Variants in CNTNAP5 observed in about 807,000 individuals in gnomAD.
CNTNAP5 encodes contactin-associated protein-like 5.
In CNTNAP5, 72 loss-of-function variants were observed where a neutral mutation model predicts 150.2. The ratio of observed to expected loss-of-function variants is 0.48; its 90% CI spans 0.40 to 0.58. The LOEUF is 0.58. Among genes scored for constraint, CNTNAP5 ranks in the 20% least tolerant of loss-of-function variants. The pLI is 0.00. For missense variants in CNTNAP5, 1,636 were observed against 1,626.2 expected (o/e 1.01, Z -0.10); for synonymous variants, 672 against 619.8 (o/e 1.08, Z -1.25).
intron 1 of CNTNAP5, among the ~76,000 whole-genome samples, chr2:124,137,916 T>G (rs1459252311): frequency 1.3e-5 from 2 of 152,132 alleles, no homozygotes; most frequent in Non-Finnish European, 2.9e-5. Flanking sequence ...GCCAAGGAGA[T>G]GCCCTGCACA....
chr2:124,408,086 A>C (rs185813311), intron 3 of CNTNAP5, among the ~76,000 whole-genome samples: 146 of 152,358 alleles, frequency 9.6e-4, no homozygotes, highest in African/African-American at 3.2e-3. Flanking sequence ...GCAAGGGGTC[A>C]GGGAGTTCCC....
At chr2:124,177,428 G>A (rs144291751) in intron 1 of CNTNAP5, among the ~76,000 whole-genome samples, 112 of 152,194 alleles carry the variant, frequency 7.4e-4, no homozygotes, top group African/African-American at 2.6e-3. Flanking sequence ...CTATCAGAAA[G>A]TGTGATGAGA....
chr2:124,395,128 T>C (rs541305868), intron 3 of CNTNAP5, among the ~76,000 whole-genome samples: 2 of 152,238 alleles, frequency 1.3e-5, no homozygotes, highest in South Asian at 4.1e-4. Flanking sequence ...TATATATAAA[T>C]ATATGAGATT....
In CNTNAP5 at chr2:124,366,332, G is replaced by A. The variant is rs151072998; in HGVS notation, c.382-51111G>A. Among the ~76,000 whole-genome samples, 461 of 152,266 alleles carry A rather than the reference G, an allele frequency of 3.0e-3. 4 individuals are homozygous for A. The highest frequency in any genetic ancestry group is 0.011 in the African/African-American group (438 of 41,552). ...ACTTTCTTTTTTACTGATATTGATA[G>A]TCTTTCTCTTCTTCCTTCTTGTTTT... On this transcript the variant is annotated intron_variant, in intron 3 of 23. Transcript: ENST00000682447.
chr2:124,519,387 A>C (rs182246941), intron 8 of CNTNAP5, among the ~76,000 whole-genome samples: 35 of 152,354 alleles, frequency 2.3e-4, no homozygotes, highest in Admixed American at 1.2e-3. Context: ...TAAAAATAAA[A>C]GCAAAGTAGA....
chr2:124,815,438 T>C (rs1682340969), intron 19 of CNTNAP5, among the ~76,000 whole-genome samples: 1 of 152,204 alleles, frequency 6.6e-6, no homozygotes. Flanking sequence ...TTTGTCATGC[T>C]GAAGCCAGGC....
chr2:124,301,554 T>C (rs1363196959), intron 3 of CNTNAP5, among the ~76,000 whole-genome samples: 1 of 152,224 alleles, frequency 6.6e-6, no homozygotes, highest in Non-Finnish European at 1.5e-5. Flanking sequence ...TATAGTGCTA[T>C]GTGACACTCA....
intron 23 of CNTNAP5, among the ~76,000 whole-genome samples, chr2:124,911,802 A>G (rs931810286): frequency 1.3e-5 from 2 of 152,154 alleles, no homozygotes; most frequent in Non-Finnish European, 2.9e-5. Context: ...GCATTTACTT[A>G]CAGACAGCAG....
chr2:124,565,048 G>T (rs1209695422), intron 11 of CNTNAP5, among the ~76,000 whole-genome samples: 1 of 152,014 alleles, frequency 6.6e-6, no homozygotes, highest in Non-Finnish European at 1.5e-5. Flanking sequence ...TGGAACCCTG[G>T]GATTCCAGCC....
chr2:124,372,864 A>G (rs1407287174), intron 3 of CNTNAP5, among the ~76,000 whole-genome samples: 4 of 152,160 alleles, frequency 2.6e-5, no homozygotes, highest in Admixed American at 2.6e-4. Flanking sequence ...GTGCAAAGCA[A>G]TGAGAATCTT....
In CNTNAP5 at chr2:124,916,869, G is replaced by A. The variant is rs549469683; in HGVS notation, c.*2581G>A. 7.2e-5 allele frequency among the ~76,000 whole-genome samples: 11 copies of A among 151,868 alleles called. No individual in the cohort carries two copies. The highest frequency in any genetic ancestry group is 1.9e-4 in the East Asian group (1 of 5,144). On this transcript the variant is annotated 3_prime_UTR_variant, in exon 24 of 24. Transcript: ENST00000682447. Reference sequence around the variant, plus strand: ...GGCTAAAGCAGAATTATTTTTACAGGGTTGAATTATTTCATAACCCCAGAG... The same window carrying A: ...GGCTAAAGCAGAATTATTTTTACAGAGTTGAATTATTTCATAACCCCAGAG...
intron 7 of CNTNAP5, among the ~76,000 whole-genome samples, chr2:124,476,210 C>T (rs1330863046): frequency 6.6e-6 from 1 of 151,996 alleles, no homozygotes; most frequent in Non-Finnish European, 1.5e-5. Context: ...ATTTTTAGAA[C>T]CATTTCTATA....
chr2:124,514,686 G>A (rs561329810), intron 8 of CNTNAP5, among the ~76,000 whole-genome samples: 12 of 152,096 alleles, frequency 7.9e-5, no homozygotes, highest in Non-Finnish European at 1.3e-4. Context: ...GGTGAGAAAG[G>A]GAAGACTTTC....
At chr2:124,263,856 C>T (rs997089106) in intron 3 of CNTNAP5, among the ~76,000 whole-genome samples, 2 of 152,062 alleles carry the variant, frequency 1.3e-5, no homozygotes, top group African/African-American at 4.8e-5. Flanking sequence ...CAGTTTCAGC[C>T]TTCTACATAT....
chr2:124,390,062 C>T (rs1427640298), intron 3 of CNTNAP5, among the ~76,000 whole-genome samples: 2 of 152,058 alleles, frequency 1.3e-5, no homozygotes, highest in East Asian at 1.9e-4. Context: ...GAGTCTCTTT[C>T]AGCTAAAAAA....
At chr2:124,252,213 T>G (rs1393629418) in intron 3 of CNTNAP5, among the ~76,000 whole-genome samples, 3 of 152,160 alleles carry the variant, frequency 2.0e-5, no homozygotes, top group African/African-American at 7.2e-5. Context: ...TGTGTGTGTA[T>G]AGAAGAAGAA....
At chr2:124,706,880 A>AAGAGGAAGAGGAAGAAGGAGAAGG (rs1679666241) in intron 13 of CNTNAP5, among the ~76,000 whole-genome samples, 2 of 46,038 alleles carry the variant, frequency 4.3e-5, no homozygotes, top group East Asian at 5.4e-4. Flanking sequence ...GAAAGGGAAG[A>AAGAGGAAGAGGAAGAAGGAGAAGG]AGAAGAGGAA....
intron 19 of CNTNAP5, among the ~76,000 whole-genome samples, chr2:124,853,974 CA>C (rs1371042713): frequency 6.6e-6 from 1 of 152,174 alleles, no homozygotes; most frequent in East Asian, 1.9e-4. Flanking sequence ...CCTGTTCCCA[CA>C]AAAGACATGA....
In CNTNAP5 at chr2:124,786,455, GAAA is replaced by G. The variant is rs1387242956; in HGVS notation, c.2753-3446_2753-3444del. Among the ~76,000 whole-genome samples, 9 of 107,826 alleles carry G rather than the reference GAAA, an allele frequency of 8.3e-5. No homozygotes were observed. The South Asian group carries it at 9.5e-4, about 11-fold the overall frequency. 70.7% of individuals were successfully genotyped at this position (107,826 alleles called of 152,430 possible). A position where few individuals can be genotyped will look rare whatever the true frequency, so the allele number is the denominator to read the frequency against. On this transcript the variant is annotated intron_variant, in intron 17 of 23. Coordinates refer to ENST00000682447, the MANE Select transcript of CNTNAP5 (RefSeq NM_001367498.1). ...GGAAGGAAGGAAGGAAGGAAAGAAA[GAAA>G]GAAAGAAAGGAAGGAAGGAAGGAAG...
Sources: allele counts gnomAD v4.1 joint callset (sites outside exome capture counted in the v4.1 genomes callset), GRCh38; gene constraint gnomAD v4.1.1; transcripts MANE v1.5; gene names NCBI Gene and HGNC (gene_info 2026-07-23, HGNC 2026-07-21).